The following WDR27 variants were observed in gnomAD, a reference collection of about 807,000 sequenced individuals.
The protein encoded by WDR27 is WD repeat domain 27, also known as WD repeat-containing protein 27.
WDR27 carries 100 observed loss-of-function variants against 114.4 expected under a neutral mutation model. The ratio of observed to expected loss-of-function variants is 0.87; its 90% CI spans 0.74 to 1.03. WDR27 has a LOEUF of 1.03. WDR27 is among the 50% of genes least tolerant of loss of function. The pLI is 0.00. For missense variants in WDR27, 1,129 were observed against 1,092.9 expected, an observed-to-expected ratio of 1.03 and a Z score of -0.47; for synonymous variants, 449 against 423.1, an observed-to-expected ratio of 1.06 and a Z score of -0.75.
At position 169,643,803 on chromosome 6, in the gene WDR27, A is replaced by T. The variant is rs778407299; in HGVS notation, c.1658-17T>A. On this transcript the variant is annotated splice_polypyrimidine_tract_variant and intron_variant, in intron 16 of 25. Transcript: ENST00000448612. ...GCCCATCTCCTGTTAAAAGAATTTT[A>T]AAAAAAGACTTCTTAGAAAAGCCTA... The T allele has an allele frequency of 4.5e-5, 72 of 1,601,544 alleles. 1 individual carries two copies. Among genetic ancestry groups the T allele is most frequent in the Middle Eastern group, 3.3e-4 (2 of 6,040 alleles).
chr6:169,644,784 C>T lies in WDR27; in HGVS notation c.1658-998G>A, dbSNP rs1214912760. On this transcript the variant is annotated intron_variant, in intron 16 of 25. Transcript: ENST00000448612. ...CAGCACTTTGGGAGGCCGAGGCGGG[C>T]GGATCACGAGGTCAGGAGATCGAGA... Among the ~76,000 whole-genome samples, 5 of 66,284 alleles carry T rather than the reference C, an allele frequency of 7.5e-5. 2 individuals carry two copies. Among genetic ancestry groups the T allele is most frequent in the Non-Finnish European group, 2.7e-5 (1 of 37,318 alleles). 43.5% of individuals were successfully genotyped at this position (66,284 alleles called of 152,430 possible). A position where few individuals can be genotyped will look rare whatever the true frequency, so the allele number is the denominator to read the frequency against.
intron 2 of WDR27, among the ~76,000 whole-genome samples, chr6:169,680,280 C>A (rs940167627): frequency 6.6e-6 from 1 of 152,072 alleles, no homozygotes; most frequent in Admixed American, 6.6e-5. Context: ...AATTTAAGAG[C>A]CTTAAAATTA....
intron 21 of WDR27, among the ~76,000 whole-genome samples, chr6:169,616,468 T>C (rs1438562596): frequency 1.3e-5 from 2 of 151,964 alleles, no homozygotes; most frequent in South Asian, 2.1e-4. Context: ...AGCCTGGCGA[T>C]AGAGCAAGAC....
At chr6:169,692,536 G>A (rs111694517) in intron 1 of WDR27, among the ~76,000 whole-genome samples, 1 of 152,144 alleles carries the variant, frequency 6.6e-6, no homozygotes, top group East Asian at 1.9e-4. Context: ...TATGGCCTGG[G>A]GCAGGGCTGA....
chr6:169,556,657 G>T (rs1798930167), intron 25 of WDR27, among the ~76,000 whole-genome samples: 1 of 152,052 alleles, frequency 6.6e-6, no homozygotes, highest in African/African-American at 2.4e-5. Context: ...TTCATTAAAG[G>T]ATGCCATGAT....
intron 25 of WDR27, among the ~76,000 whole-genome samples, chr6:169,544,302 A>G (rs1477319946): frequency 1.3e-5 from 2 of 152,144 alleles, no homozygotes; most frequent in Non-Finnish European, 1.5e-5. Flanking sequence ...TTTGCAGATG[A>G]CATGCTTATT....
At chr6:169,564,858 G>C (rs1338278784) in intron 25 of WDR27, among the ~76,000 whole-genome samples, 1 of 2,450 alleles carries the variant, frequency 4.1e-4, no homozygotes, top group Non-Finnish European at 4.3e-3. Context: ...AACCAAACGC[G>C]TGAGTGAGTG....
At chr6:169,600,148 C>G (rs1807662812) in intron 23 of WDR27, among the ~76,000 whole-genome samples, 1 of 152,140 alleles carries the variant, frequency 6.6e-6, no homozygotes, top group Admixed American at 6.5e-5. Context: ...AATTTCTGCT[C>G]TTTTACATTT....
downstream of WDR27, among the ~76,000 whole-genome samples, chr6:169,454,655 C>G (rs1784279913): frequency 6.6e-6 from 1 of 152,200 alleles, no homozygotes; most frequent in African/African-American, 2.4e-5. Flanking sequence ...GACTTGGGAC[C>G]ACGATCACAT....
intron 21 of WDR27, among the ~76,000 whole-genome samples, chr6:169,615,954 A>AC (rs1811714253): frequency 2.5e-5 from 1 of 39,528 alleles, no homozygotes; most frequent in Non-Finnish European, 6.1e-5. Flanking sequence ...TGAAAACCTA[A>AC]TAAAAAAAAA....
At chr6:169,624,109 C>T (rs550085004) in intron 21 of WDR27, among the ~76,000 whole-genome samples, 20 of 137,214 alleles carry the variant, frequency 1.5e-4, no homozygotes, top group Non-Finnish European at 2.3e-4. Flanking sequence ...TCAGGTGTGC[C>T]GTGTGTGGGG....
Position 169,651,933 on chromosome 6 carries a change from G to A in WDR27, c.1478C>T (p.Pro493Leu), listed in dbSNP as rs781350480. The change falls in exon 14 of 26, where the codon CCA (proline) becomes CTA (leucine). Residue 493 changes from proline to leucine, a missense_variant. Transcript: ENST00000448612. ...KVRSSGYASAPHVTMFSPKTN... is the reference protein window; with the variant it reads ...KVRSSGYASALHVTMFSPKTN... ...TCATTGACATGAGTTCACTCACTGT[G>A]GTGCTGACGCATAACCAGATGACCT... 2.5e-6 allele frequency: 4 copies of A among 1,613,238 alleles called. No homozygotes were observed. The highest frequency in any genetic ancestry group is 3.4e-6 in the Non-Finnish European group (4 of 1,179,550).
rs570585718 is a variant in WDR27 at position 169,457,671 on chromosome 6, G to A, written c.2646-37C>T. 7.4e-5 allele frequency: 111 copies of A among 1,498,214 alleles called. 1 individual carries two copies. In the South Asian group the frequency reaches 9.4e-4, roughly 13 times the overall value. The allele number at this position is 1,498,214 out of a possible 1,614,324, so 92.8% of individuals were successfully genotyped here. Reference sequence around the variant, plus strand: ...AATAAAATACCATGTAATTCCAATCGCCTTTTATTAATTGATAACTCTATA... The same window carrying A: ...AATAAAATACCATGTAATTCCAATCACCTTTTATTAATTGATAACTCTATA... On this transcript the variant is annotated intron_variant, in intron 25 of 25. Coordinates refer to ENST00000448612, the MANE Select transcript of WDR27 (RefSeq NM_182552.5).
chr6:169,544,059 T>G (rs1257296600), intron 25 of WDR27, among the ~76,000 whole-genome samples: 1 of 152,210 alleles, frequency 6.6e-6, no homozygotes, highest in East Asian at 1.9e-4. Context: ...GCAACACATA[T>G]TTATGATAAA....
At chr6:169,644,227 C>G (rs370187702) in intron 16 of WDR27, among the ~76,000 whole-genome samples, 70 of 98,790 alleles carry the variant, frequency 7.1e-4, no homozygotes, top group African/African-American at 2.0e-3. Context: ...CTGTTGAAAA[C>G]CCTAGTTCAC....
Position 169,647,889 on chromosome 6 carries a change from T to G in WDR27, c.1560-19A>C. On this transcript the variant is annotated intron_variant, in intron 15 of 25. Coordinates refer to ENST00000448612, the MANE Select transcript of WDR27 (RefSeq NM_182552.5). ...TGCCTCCCTGAGGGAAGGCCACAGGTAACGGTGATCGGGAGACATTCACAG... is the reference window on the plus strand; with the variant it reads ...TGCCTCCCTGAGGGAAGGCCACAGGGAACGGTGATCGGGAGACATTCACAG... 6.6e-7 allele frequency: 1 copy of G among 1,514,452 alleles called. No individual in the cohort carries two copies. Among genetic ancestry groups the G allele is most frequent in the Non-Finnish European group, 8.9e-7 (1 of 1,126,444 alleles). 93.8% of individuals were successfully genotyped at this position (1,514,452 alleles called of 1,614,324 possible). A position where few individuals can be genotyped will look rare whatever the true frequency, so the allele number is the denominator to read the frequency against.
chr6:169,596,093 G>A (rs1398477116), intron 23 of WDR27, among the ~76,000 whole-genome samples: 3 of 151,984 alleles, frequency 2.0e-5, no homozygotes, highest in African/African-American at 7.2e-5. Flanking sequence ...CTATATTTCT[G>A]TGCAAACTAG....
chr6:169,450,076 A>C, the WDR27 span, among the ~76,000 whole-genome samples: 1 of 152,330 alleles, frequency 6.6e-6, no homozygotes, highest in East Asian at 1.9e-4. Context: ...TATACCAATG[A>C]AATTAGAGAT....
At chr6:169,613,538 C>T (rs1811110960) in intron 22 of WDR27, 21 bp downstream of exon 22, 2 of 1,599,762 alleles carry the variant, frequency 1.3e-6, no homozygotes, top group East Asian at 4.5e-5. Flanking sequence ...CCCTGCAGTG[C>T]AGGGCGCAGG....
Sources: allele counts gnomAD v4.1 joint callset (sites outside exome capture counted in the v4.1 genomes callset), GRCh38; gene constraint gnomAD v4.1.1; transcripts MANE v1.5; gene names NCBI Gene and HGNC (gene_info 2026-07-23, HGNC 2026-07-21).